ME1: variants seen among roughly 807,000 people sequenced by gnomAD.
ME1 encodes NADP-dependent malic enzyme.
ME1 carries 74 observed loss-of-function variants against 66.4 expected under a neutral mutation model. The ratio of observed to expected loss-of-function variants is 1.11; its 90% CI spans 0.92 to 1.35. The LOEUF (loss-of-function observed/expected upper bound fraction) is 1.35. Among genes scored for constraint, ME1 ranks in the 40% most tolerant of loss-of-function variants. ME1 has a pLI of 0.00. For missense variants in ME1, 750 were observed against 694.1 expected (o/e 1.08, Z -0.90); for synonymous variants, 251 against 235.6 (o/e 1.07, Z -0.60).
chr6:83,377,159 A>G (rs1769311373), intron 3 of ME1, among the ~76,000 whole-genome samples: 1 of 152,234 alleles, frequency 6.6e-6, no homozygotes, highest in African/African-American at 2.4e-5. Flanking sequence ...AATCTTGGTA[A>G]AGACTTTTGG....
intron 12 of ME1, among the ~76,000 whole-genome samples, chr6:83,218,252 T>C (rs1254706643): frequency 6.6e-6 from 1 of 152,060 alleles, no homozygotes; most frequent in Admixed American, 6.6e-5. Context: ...GCCACCCCCT[T>C]CCAGAAGGCT....
At chr6:83,307,402 C>T (rs187060873) in intron 6 of ME1, among the ~76,000 whole-genome samples, 1 of 152,054 alleles carries the variant, frequency 6.6e-6, no homozygotes, top group Non-Finnish European at 1.5e-5. Flanking sequence ...ATTTTTCTCA[C>T]ATTGACAGAC....
chr6:83,224,298 A>G (rs1384881754), intron 11 of ME1, among the ~76,000 whole-genome samples: 1 of 152,208 alleles, frequency 6.6e-6, no homozygotes, highest in Non-Finnish European at 1.5e-5. Flanking sequence ...ATATTTAAGT[A>G]TTGAAAATAA....
At chr6:83,326,899 G>T (rs1010079887) in intron 5 of ME1, among the ~76,000 whole-genome samples, 3 of 152,144 alleles carry the variant, frequency 2.0e-5, no homozygotes, top group Non-Finnish European at 4.4e-5. Flanking sequence ...ATACCCAAAG[G>T]ATTATTGTTG....
chr6:83,330,447 G>A (rs900311837), intron 5 of ME1, among the ~76,000 whole-genome samples: 1 of 152,160 alleles, frequency 6.6e-6, no homozygotes, highest in African/African-American at 2.4e-5. Flanking sequence ...AAAAGTGCTA[G>A]AAATAAAAAT....
intron 2 of ME1, among the ~76,000 whole-genome samples, 163 bp from the exon 3 acceptor site, chr6:83,398,679 G>A (rs576600257): frequency 2.6e-5 from 4 of 152,272 alleles, no homozygotes; most frequent in African/African-American, 9.6e-5. Flanking sequence ...TTTTCTTTAC[G>A]ACAGAGTCTT....
At position 83,300,747 on chromosome 6, in the gene ME1, C is replaced by T. The variant is rs549169300; in HGVS notation, c.704+14563G>A. On this transcript the variant is annotated intron_variant, in intron 6 of 13. Transcript: ENST00000369705. ...ATGCTGCTATAAAGACACAAGCACA[C>T]GTATGTTTATTGCGGCACTATTCAC... Among the ~76,000 whole-genome samples, 5 of 151,080 alleles carry T rather than the reference C, an allele frequency of 3.3e-5. No homozygotes were observed. In the East Asian group the frequency reaches 5.8e-4, roughly 18 times the overall value.
chr6:83,423,848 C>T (rs1049978180), intron 1 of ME1, among the ~76,000 whole-genome samples: 13 of 151,692 alleles, frequency 8.6e-5, no homozygotes, highest in African/African-American at 2.7e-4. Context: ...ACAGGCCACA[C>T]CTATAATACC....
intron 7 of ME1, among the ~76,000 whole-genome samples, chr6:83,243,122 T>C (rs1790538717): frequency 6.6e-6 from 1 of 150,572 alleles, no homozygotes; most frequent in South Asian, 2.1e-4. Flanking sequence ...TTAAATTAGC[T>C]GGGTGTGATG....
intron 9 of ME1, among the ~76,000 whole-genome samples, chr6:83,232,497 T>A (rs984667242): frequency 1.3e-5 from 2 of 152,240 alleles, no homozygotes; most frequent in African/African-American, 2.4e-5. Flanking sequence ...TCAATATTCA[T>A]AATTTTCTAA....
intron 3 of ME1, among the ~76,000 whole-genome samples, chr6:83,390,095 G>T (rs959905403): frequency 6.6e-6 from 1 of 151,954 alleles, no homozygotes; most frequent in Non-Finnish European, 1.5e-5. Context: ...ATTCATACAA[G>T]AATTTATTTT....
chr6:83,304,290 G>C (rs868497572), intron 6 of ME1, among the ~76,000 whole-genome samples: 59 of 152,172 alleles, frequency 3.9e-4, no homozygotes, highest in Admixed American at 5.2e-4. Flanking sequence ...TTTGCAAGCT[G>C]TCAAAATTAG....
chr6:83,339,970 TA>T lies in ME1; in HGVS notation c.600+6202del, dbSNP rs1385971439. On this transcript the variant is annotated intron_variant, in intron 5 of 13. Transcript: ENST00000369705. ...ATGTACCCTAAAACTTAGAGTATAA[TA>T]AAAAAAAAAAGAAAAGAAAAGAAAT... 9.8e-4 allele frequency among the ~76,000 whole-genome samples: 85 copies of T among 86,658 alleles called. 1 individual carries two copies. The highest frequency in any genetic ancestry group is 1.8e-3 in the South Asian group (6 of 3,370). The allele number at this position is 86,658 out of a possible 152,430, so 56.9% of individuals were successfully genotyped here. A position where few individuals can be genotyped will look rare whatever the true frequency, so the allele number is the denominator to read the frequency against.
intron 3 of ME1, among the ~76,000 whole-genome samples, chr6:83,368,388 T>C (rs1769138676): frequency 6.9e-6 from 1 of 145,654 alleles, no homozygotes. Context: ...CAAAAAAAAA[T>C]TATCTGCAAA....
chr6:83,393,027 G>C (rs1769655462), intron 3 of ME1: 4 of 1,175,024 alleles, frequency 3.4e-6, no homozygotes, highest in Non-Finnish European at 5.0e-6. Context: ...CATCCTCTCT[G>C]CCTCTACTGG....
chr6:83,333,119 T>C (rs1042729932), intron 5 of ME1, among the ~76,000 whole-genome samples: 5 of 152,142 alleles, frequency 3.3e-5, no homozygotes, highest in African/African-American at 1.2e-4. Context: ...TACATGTAGG[T>C]ATGATAAAAG....
At chr6:83,285,138 A>G (rs988643195) in intron 6 of ME1, among the ~76,000 whole-genome samples, 6 of 152,328 alleles carry the variant, frequency 3.9e-5, no homozygotes, top group African/African-American at 1.4e-4. Context: ...AAACTGATTA[A>G]TACGACAACC....
rs529869213 is a variant in ME1, at chr6:83,380,321, A to C, written c.362+18046T>G. On this transcript the variant is annotated intron_variant, in intron 3 of 13. Transcript: ENST00000369705. ...AGAAGTCAAATTACAAAAATCCTTG[A>C]ATATCATGCTAAAGAGTTTGAATTT... 3.3e-5 allele frequency among the ~76,000 whole-genome samples: 5 copies of C among 152,250 alleles called. No individual in the cohort carries two copies. The South Asian group carries it at 1.0e-3, about 32-fold the overall frequency.
chr6:83,332,697 T>G (rs1768438139), intron 5 of ME1, among the ~76,000 whole-genome samples: 1 of 152,060 alleles, frequency 6.6e-6, no homozygotes, highest in South Asian at 2.1e-4. Context: ...TAAGTGGGAG[T>G]TAAGCTATGG....
Sources: allele counts gnomAD v4.1 joint callset (sites outside exome capture counted in the v4.1 genomes callset), GRCh38; gene constraint gnomAD v4.1.1; transcripts MANE v1.5; gene names NCBI Gene and HGNC (gene_info 2026-07-23, HGNC 2026-07-21).